The following ZDHHC20 variants were observed in gnomAD, a reference collection of about 807,000 sequenced individuals.
ZDHHC20 encodes the protein zDHHC palmitoyltransferase 20.
A neutral mutation model predicts 57.8 loss-of-function variants in ZDHHC20; 43 were observed. The observed-to-expected ratio is 0.74, with a 90% CI of 0.58 to 0.96. ZDHHC20 has a LOEUF of 0.96. ZDHHC20 is among the 40% of genes least tolerant of loss of function. The pLI is 0.00. For synonymous variants in ZDHHC20, 157 were observed against 153.0 expected (o/e 1.03, Z -0.19); for missense variants, 391 against 441.1 (o/e 0.89, Z 1.02).
intron 1 of ZDHHC20, among the ~76,000 whole-genome samples, chr13:21,435,367 T>C (rs1882435135): frequency 6.6e-6 from 1 of 152,146 alleles, no homozygotes; most frequent in African/African-American, 2.4e-5. Context: ...TGGTCCCTGT[T>C]GAAATGACCA....
chr13:21,437,205 A>T (rs1882643861), intron 1 of ZDHHC20, among the ~76,000 whole-genome samples: 1 of 152,222 alleles, frequency 6.6e-6, no homozygotes, highest in African/African-American at 2.4e-5. Flanking sequence ...AAGCTAGCAG[A>T]AGTTGATTTA....
At chr13:21,401,587 T>C in intron 6 of ZDHHC20, 66 bp downstream of exon 6, 3 of 1,445,974 alleles carry the variant, frequency 2.1e-6, no homozygotes, top group Non-Finnish European at 2.8e-6. Flanking sequence ...AATTTAGGAA[T>C]ACTGAAGTTA....
intron 1 of ZDHHC20, among the ~76,000 whole-genome samples, chr13:21,446,733 T>C (rs1420418042): frequency 1.3e-5 from 2 of 152,232 alleles, no homozygotes; most frequent in Admixed American, 6.5e-5. Context: ...TCTAAATGTG[T>C]TGCTTATATG....
At chr13:21,445,846 T>G (rs1829543420) in intron 1 of ZDHHC20, among the ~76,000 whole-genome samples, 1 of 152,180 alleles carries the variant, frequency 6.6e-6, no homozygotes, top group Non-Finnish European at 1.5e-5. Flanking sequence ...GTGAGGAGAC[T>G]AAAAGACGAA....
At chr13:21,414,368 T>G (rs567205871) in intron 3 of ZDHHC20, among the ~76,000 whole-genome samples, 2 of 151,176 alleles carry the variant, frequency 1.3e-5, no homozygotes, top group African/African-American at 4.9e-5. Flanking sequence ...CTTTTTTTTT[T>G]CTTTTTTTTT....
At chr13:21,457,257 T>G (rs1273462236) in intron 1 of ZDHHC20, among the ~76,000 whole-genome samples, 2 of 152,326 alleles carry the variant, frequency 1.3e-5, no homozygotes, top group South Asian at 4.1e-4. Context: ...TCAACATAAA[T>G]GCACATTTTT....
chr13:21,409,956 G>A (rs1219972179), intron 4 of ZDHHC20, among the ~76,000 whole-genome samples: 3 of 152,196 alleles, frequency 2.0e-5, no homozygotes, highest in Non-Finnish European at 4.4e-5. Flanking sequence ...TTTGGAGGAG[G>A]AGAGGCATTC....
At chr13:21,424,448 G>A (rs1230027519) in intron 2 of ZDHHC20, among the ~76,000 whole-genome samples, 3 of 152,150 alleles carry the variant, frequency 2.0e-5, no homozygotes, top group South Asian at 4.1e-4. Context: ...CGTGGCTCAC[G>A]CCTATAATCC....
intron 1 of ZDHHC20, among the ~76,000 whole-genome samples, chr13:21,430,339 G>A (rs974476756): frequency 6.6e-6 from 1 of 151,968 alleles, no homozygotes; most frequent in Non-Finnish European, 1.5e-5. Flanking sequence ...CCTCCTTAGT[G>A]CTTCCCAGAT....
intron 4 of ZDHHC20, among the ~76,000 whole-genome samples, chr13:21,410,196 C>A (rs868327885): frequency 6.6e-6 from 1 of 152,176 alleles, no homozygotes; most frequent in African/African-American, 2.4e-5. Context: ...CCCTGTTTGC[C>A]TGGGTATCAC....
At chr13:21,409,911 A>G (rs925432375) in intron 4 of ZDHHC20, among the ~76,000 whole-genome samples, 1 of 152,132 alleles carries the variant, frequency 6.6e-6, no homozygotes, top group Admixed American at 6.5e-5. Context: ...ATCTCGGTCC[A>G]GTTTTGTTCC....
At chr13:21,396,842 A>AAAAG (rs3066490) in intron 7 of ZDHHC20, among the ~76,000 whole-genome samples, 73,757 of 147,810 alleles carry the variant, frequency 0.5, 20,501 homozygotes, top group East Asian at 0.99. Flanking sequence ...CAAAAAAAAA[A>AAAAG]AAAGAAAGAA....
intron 9 of ZDHHC20, among the ~76,000 whole-genome samples, chr13:21,386,088 G>A (rs542581864): frequency 1.8e-4 from 28 of 152,320 alleles, no homozygotes; most frequent in Non-Finnish European, 3.2e-4. Context: ...CAACCAATGG[G>A]AGGGGGACAA....
chr13:21,397,665 A>T (rs574063399), intron 7 of ZDHHC20, among the ~76,000 whole-genome samples: 36 of 152,292 alleles, frequency 2.4e-4, no homozygotes, highest in Non-Finnish European at 3.8e-4. Flanking sequence ...TATCTCAAAA[A>T]ACAAAACAAC....
chr13:21,375,133 A>T lies in ZDHHC20; in HGVS notation c.*1563T>A, dbSNP rs913183374. 10 of 456,350 alleles carry T rather than the reference A, an allele frequency of 2.2e-5. No individual in the cohort carries two copies. The highest frequency in any genetic ancestry group is 6.0e-5 in the African/African-American group (3 of 50,068). 28.3% of individuals were successfully genotyped at this position (456,350 alleles called of 1,614,324 possible). On this transcript the variant is annotated 3_prime_UTR_variant, in exon 13 of 13. Transcript: ENST00000400590. ...TGGGAGACAGAGCAAAACTCTGTGG[A>T]AAAAAGAAGAAAAAAATTTATTGGG...
chr13:21,410,233 T>C (rs1374655535), intron 4 of ZDHHC20, among the ~76,000 whole-genome samples: 1 of 152,158 alleles, frequency 6.6e-6, no homozygotes, highest in East Asian at 1.9e-4. Context: ...ACAGCAAAGA[T>C]TGCTGCCTGC....
At chr13:21,404,572 G>A (rs1878178864) in intron 4 of ZDHHC20, among the ~76,000 whole-genome samples, 1 of 152,042 alleles carries the variant, frequency 6.6e-6, no homozygotes, top group African/African-American at 2.4e-5. Context: ...CTAACATGGT[G>A]AAACCCCGTC....
At chr13:21,398,497 CAAAAT>C (rs1038008730) in intron 7 of ZDHHC20, among the ~76,000 whole-genome samples, 9 of 150,782 alleles carry the variant, frequency 6.0e-5, no homozygotes, top group African/African-American at 2.2e-4. Context: ...CATAAACAAA[CAAAAT>C]AAACAAATAT....
intron 12 of ZDHHC20, among the ~76,000 whole-genome samples, chr13:21,378,163 C>T (rs1593161163): frequency 6.6e-6 from 1 of 152,222 alleles, no homozygotes; most frequent in Non-Finnish European, 1.5e-5. Flanking sequence ...CCACTTCAGC[C>T]TCCCACGTAA....
Sources: gnomAD v4.1 joint callset for allele counts (sites outside exome capture counted in the v4.1 genomes callset) on GRCh38, gnomAD v4.1.1 for gene constraint, MANE v1.5 for transcripts, NCBI Gene and HGNC (gene_info 2026-07-23, HGNC 2026-07-21) for gene names.